SUSD4: variants seen among roughly 807,000 people sequenced by gnomAD.
The protein encoded by SUSD4 is sushi domain containing 4, also known as sushi domain-containing protein 4.
SUSD4 carries 41 observed loss-of-function variants against 50.5 expected under a neutral mutation model. That is an observed-to-expected ratio of 0.81 (90% confidence interval 0.63 to 1.05). The LOEUF is 1.05. SUSD4 is among the 50% of genes least tolerant of loss of function. The pLI is 0.00. For missense variants in SUSD4, 580 were observed against 634.7 expected (o/e 0.91, Z 0.93); for synonymous variants, 257 against 257.3 (o/e 1.00, Z 0.01).
In SUSD4 at chr1:223,332,401, T is replaced by C. The variant is rs796785565; in HGVS notation, c.148+30877A>G. 1.6e-4 allele frequency among the ~76,000 whole-genome samples: 24 copies of C among 152,320 alleles called. No individual in the cohort carries two copies. Among genetic ancestry groups the C allele is most frequent in the African/African-American group, 5.1e-4 (21 of 41,576 alleles). On this transcript the variant is annotated intron_variant, in intron 2 of 8. Coordinates refer to ENST00000366878, the MANE Select transcript of SUSD4 (RefSeq NM_017982.4). The surrounding 1 kb of genome is among the most constrained non-coding windows in gnomAD (Gnocchi z 4.0). ...CAAGCATCAAAAGGATTAAATTGCTTTGGTGAGGTCTCTTACAAAAATTGG... is the reference window on the plus strand; with the variant it reads ...CAAGCATCAAAAGGATTAAATTGCTCTGGTGAGGTCTCTTACAAAAATTGG...
At chr1:223,343,015 AACAG>A (rs772112082) in intron 2 of SUSD4, among the ~76,000 whole-genome samples, 1 of 152,230 alleles carries the variant, frequency 6.6e-6, no homozygotes, top group Admixed American at 6.5e-5. Flanking sequence ...TTAGCGGAAA[AACAG>A]ACAAAGAACA....
In SUSD4 at chr1:223,223,478, G is replaced by A. The variant is rs755837351; in HGVS notation, c.1215C>T (p.Pro405=). ...MASVGQGCPL[P]VDDQSPPAYP... is the part of the protein sequence containing the mutation. ...ATGCTGGGGGGCTCTGGTCGTCCAC[G>A]GGTAAGGGGCAGCCCTGGCCCACAG... Residue 405 remains proline, a synonymous_variant, in exon 8 of 9, where the codon CCC becomes CCT. Transcript: ENST00000366878. The A allele has an allele frequency of 5.0e-6, 8 of 1,613,648 alleles. No homozygotes were observed. Among genetic ancestry groups the A allele is most frequent in the East Asian group, 4.5e-5 (2 of 44,866 alleles).
chr1:223,241,898 T>C (rs1660610154), intron 5 of SUSD4, among the ~76,000 whole-genome samples: 3 of 152,178 alleles, frequency 2.0e-5, no homozygotes, highest in Admixed American at 1.3e-4. Context: ...AAGACAATCC[T>C]ACCACCTCCC....
At chr1:223,306,476 A>C (rs574535635) in intron 2 of SUSD4, among the ~76,000 whole-genome samples, 2 of 152,322 alleles carry the variant, frequency 1.3e-5, no homozygotes, top group Admixed American at 1.3e-4. Flanking sequence ...TTGTCGAAAC[A>C]TTTGAAGAAG....
intron 2 of SUSD4, among the ~76,000 whole-genome samples, chr1:223,362,992 A>G (rs1669083017): frequency 8.2e-6 from 1 of 122,102 alleles, no homozygotes; most frequent in Non-Finnish European, 1.6e-5. Context: ...ATAATGGGCC[A>G]GGCTTTATTG....
chr1:223,235,751 T>C (rs757611936), intron 5 of SUSD4, among the ~76,000 whole-genome samples: 9 of 152,214 alleles, frequency 5.9e-5, no homozygotes, highest in Non-Finnish European at 1.3e-4. Flanking sequence ...CATAGTTTAT[T>C]TATCCATTCA....
At chr1:223,278,380 T>A (rs1438767937) in intron 3 of SUSD4, among the ~76,000 whole-genome samples, 1 of 152,092 alleles carries the variant, frequency 6.6e-6, no homozygotes, top group Non-Finnish European at 1.5e-5. Flanking sequence ...ACTGCGCTTC[T>A]CAAACGGTCT....
intron 5 of SUSD4, among the ~76,000 whole-genome samples, chr1:223,245,437 G>A (rs1371994395): frequency 6.6e-6 from 1 of 152,044 alleles, no homozygotes; most frequent in Non-Finnish European, 1.5e-5. Context: ...GTGCCTGGCA[G>A]AGAGGATGGC....
upstream of SUSD4, among the ~76,000 whole-genome samples, chr1:223,364,680 C>T (rs900459986): frequency 6.6e-6 from 1 of 151,396 alleles, no homozygotes; most frequent in Non-Finnish European, 1.5e-5. The surrounding 1 kb of genome is among the most constrained non-coding windows in gnomAD (Gnocchi z 4.5). Flanking sequence ...GCCCGCGGCG[C>T]GGCGCGGGAG....
intron 3 of SUSD4, among the ~76,000 whole-genome samples, chr1:223,277,960 AT>A (rs964478477): frequency 3.3e-5 from 5 of 151,612 alleles, no homozygotes; most frequent in Non-Finnish European, 4.4e-5. Context: ...CAGCTGGGAG[AT>A]TTTTTTTTAA....
chr1:223,243,267 C>A (rs921495749), intron 5 of SUSD4, among the ~76,000 whole-genome samples: 3 of 152,324 alleles, frequency 2.0e-5, no homozygotes, highest in African/African-American at 7.2e-5. Flanking sequence ...TTTAAGGAAG[C>A]AGGGCTGGGC....
At chr1:223,245,840 A>G (rs1660888044) in intron 5 of SUSD4, among the ~76,000 whole-genome samples, 1 of 152,172 alleles carries the variant, frequency 6.6e-6, no homozygotes, top group South Asian at 2.1e-4. Flanking sequence ...GGCGGCTAGG[A>G]GAAAAAGAAG....
At chr1:223,357,736 C>T (rs1668745416) in intron 2 of SUSD4, among the ~76,000 whole-genome samples, 1 of 152,186 alleles carries the variant, frequency 6.6e-6, no homozygotes, top group Non-Finnish European at 1.5e-5. Flanking sequence ...TTTTCCCAAC[C>T]TTCCATGGTT....
chr1:223,277,304 AT>A (rs3036647), intron 3 of SUSD4, among the ~76,000 whole-genome samples: 58,669 of 150,740 alleles, frequency 0.39, 11,538 homozygotes, highest in Non-Finnish European at 0.42. Context: ...AATGGATGAT[AT>A]TTTTTTTTTT....
At chr1:223,309,989 G>T (rs868623579) in intron 2 of SUSD4, among the ~76,000 whole-genome samples, 1 of 152,186 alleles carries the variant, frequency 6.6e-6, no homozygotes, top group Admixed American at 6.5e-5. Flanking sequence ...GGACCACGGC[G>T]TGCCTGGGAC....
At chr1:223,225,142 T>A (rs1204410816) in intron 7 of SUSD4, among the ~76,000 whole-genome samples, 1 of 151,980 alleles carries the variant, frequency 6.6e-6, no homozygotes, top group Non-Finnish European at 1.5e-5. Flanking sequence ...AGTGCTGGGA[T>A]TACAGACGTG....
intron 2 of SUSD4, among the ~76,000 whole-genome samples, chr1:223,349,828 C>T (rs753268619): frequency 6.6e-6 from 1 of 152,196 alleles, no homozygotes; most frequent in South Asian, 2.1e-4. Context: ...TAAGAATTAA[C>T]ATTTGTCTTC....
chr1:223,323,256 A>G (rs1666686937), intron 2 of SUSD4, among the ~76,000 whole-genome samples: 1 of 151,726 alleles, frequency 6.6e-6, no homozygotes, highest in South Asian at 2.1e-4. Context: ...GGATGGAAGG[A>G]AAGAGGAAAA....
At chr1:223,224,862 C>CTTTTTTTTTTTTTTTTTT (rs11345619) in intron 7 of SUSD4, among the ~76,000 whole-genome samples, 1 of 59,234 alleles carries the variant, frequency 1.7e-5, no homozygotes, top group African/African-American at 7.2e-5. Flanking sequence ...TGGTTTCTTC[C>CTTTTTTTTTTTTTTTTTT]TTTTTTTTTT....
Sources: gnomAD v4.1 joint callset for allele counts (sites outside exome capture counted in the v4.1 genomes callset) on GRCh38, gnomAD v4.1.1 for gene constraint, Gnocchi (gnomAD v3.1) non-coding constraint, MANE v1.5 for transcripts, NCBI Gene and HGNC (gene_info 2026-07-23, HGNC 2026-07-21) for gene names.